The following ABL1 variants were observed in gnomAD, a reference collection of about 807,000 sequenced individuals.
ABL1 encodes the protein tyrosine-protein kinase ABL1.
ABL1 carries 11 observed loss-of-function variants against 94.7 expected under a neutral mutation model. That is an observed-to-expected ratio of 0.12 (90% CI 0.07 to 0.19). The LOEUF is 0.19. Ranked by LOEUF, ABL1 falls within the 10% of genes least tolerant of loss-of-function variation. ABL1 has a pLI of 1.00. For missense variants in ABL1, 1,082 were observed against 1,489.4 expected (o/e 0.73, Z 4.50); for synonymous variants, 656 against 622.4 (o/e 1.05, Z -0.80).
intron 1 of ABL1, among the ~76,000 whole-genome samples, chr9:130,810,741 AAT>A (rs903239792): frequency 2.1e-4 from 32 of 151,090 alleles, no homozygotes; most frequent in Admixed American, 1.2e-3. Flanking sequence ...GGGACCAAAA[AAT>A]ATATATAGAG....
intron 1 of ABL1, among the ~76,000 whole-genome samples, chr9:130,768,076 C>T (rs1019023346): frequency 4.6e-5 from 7 of 152,148 alleles, no homozygotes; most frequent in Non-Finnish European, 7.3e-5. Flanking sequence ...TAGCTATCTG[C>T]TGGAGCTGAG....
At chr9:130,743,012 G>A (rs957450332) in intron 1 of ABL1, among the ~76,000 whole-genome samples, 2 of 151,988 alleles carry the variant, frequency 1.3e-5, no homozygotes, top group Admixed American at 6.6e-5. Flanking sequence ...TTGCTTCACC[G>A]TTTTTTTAAA....
In ABL1 at chr9:130,858,901, A is replaced by T. The variant is rs1428568284; in HGVS notation, c.549+3805A>T. Among the ~76,000 whole-genome samples, 3 of 152,072 alleles carry T rather than the reference A, an allele frequency of 2.0e-5. No homozygotes were observed. The South Asian group carries it at 6.2e-4, about 32-fold the overall frequency. On this transcript the variant is annotated intron_variant, in intron 3 of 10. Coordinates refer to ENST00000318560, the MANE Select transcript of ABL1 (RefSeq NM_005157.6). ...TCTCTCCTCGTGTTCTGAGCTTTTC[A>T]GCAGCCCTTGTGGGTCATCAGCCGA...
In ABL1 at chr9:130,877,115, G is replaced by A. The variant is rs765964483; in HGVS notation, c.1271-1300G>A. On this transcript the variant is annotated intron_variant, in intron 7 of 10. Coordinates refer to ENST00000318560, the MANE Select transcript of ABL1 (RefSeq NM_005157.6). ...TATCTGATGTGTTTCAGTCCACTGC[G>A]GTTATTTTCCCTGTTGATATTCAGA... 2.0e-4 allele frequency among the ~76,000 whole-genome samples: 30 copies of A among 148,044 alleles called. 2 individuals are homozygous for A. Among genetic ancestry groups the A allele is most frequent in the Non-Finnish European group, 3.3e-4 (22 of 67,238 alleles).
At chr9:130,848,702 T>C (rs540160955) in intron 1 of ABL1, among the ~76,000 whole-genome samples, 1 of 152,186 alleles carries the variant, frequency 6.6e-6, no homozygotes, top group East Asian at 1.9e-4. Flanking sequence ...TTTGGGAGGC[T>C]GAGGCAGGCT....
Position 130,872,323 on chromosome 9 carries a change from A to G in ABL1, c.907+110A>G, listed in dbSNP as rs1359631027. ...TCACTGCACAAAACCTCGTTGGAAT[A>G]TTTGTGCTCTGCCGACGTTCAGCCG... On this transcript the variant is annotated intron_variant, in intron 5 of 10. Coordinates refer to ENST00000318560, the MANE Select transcript of ABL1 (RefSeq NM_005157.6). This position sits in a 1 kb window ranked among gnomAD's most constrained non-coding sequence, Gnocchi z 5.0. The G allele has an allele frequency of 9.9e-7, 1 of 1,012,166 alleles. No individual in the cohort carries two copies. The highest frequency in any genetic ancestry group is 1.6e-5 in the African/African-American group (1 of 61,918). The allele number at this position is 1,012,166 out of a possible 1,614,324, so 62.7% of individuals were successfully genotyped here. A position where few individuals can be genotyped will look rare whatever the true frequency, so the allele number is the denominator to read the frequency against.
intron 1 of ABL1, among the ~76,000 whole-genome samples, chr9:130,718,114 T>C (rs1412930204): frequency 6.6e-6 from 1 of 151,674 alleles, no homozygotes; most frequent in Non-Finnish European, 1.5e-5. Context: ...GGTCAGTAGT[T>C]CGAAACTGGC....
chr9:130,825,630 T>C (rs1830415651), intron 1 of ABL1, among the ~76,000 whole-genome samples: 1 of 152,252 alleles, frequency 6.6e-6, no homozygotes, highest in African/African-American at 2.4e-5. Context: ...ATTTGTTTTA[T>C]AGATATCTTA....
intron 8 of ABL1, among the ~76,000 whole-genome samples, chr9:130,879,758 C>CTGTTTGGCT (rs1401249647): frequency 6.6e-6 from 1 of 152,136 alleles, no homozygotes; most frequent in Non-Finnish European, 1.5e-5. Flanking sequence ...AGAAGGTGAG[C>CTGTTTGGCT]TGTTTGGCTT....
chr9:130,714,260 C>T, exon 1 of ABL1: 2 of 1,502,808 alleles, frequency 1.3e-6, no homozygotes, highest in Non-Finnish European at 1.8e-6. Flanking sequence ...CCTCTACGCT[C>T]GCTGACCGTT....
intron 1 of ABL1, chr9:130,714,506 T>A (rs1300522204): frequency 6.2e-7 from 1 of 1,613,196 alleles, no homozygotes; most frequent in Admixed American, 1.7e-5. Context: ...GCATTCATCT[T>A]AGGCCTTCAA....
intron 7 of ABL1, among the ~76,000 whole-genome samples, chr9:130,875,320 T>G (rs1831322668): frequency 6.6e-6 from 1 of 152,026 alleles, no homozygotes; most frequent in Admixed American, 6.6e-5. Context: ...TTTTGGTATT[T>G]TTAGTAGAGA....
chr9:130,827,766 G>A (rs1830443085), intron 1 of ABL1, among the ~76,000 whole-genome samples: 1 of 151,908 alleles, frequency 6.6e-6, no homozygotes, highest in Non-Finnish European at 1.5e-5. Flanking sequence ...ATGGTGGCAG[G>A]CACCTGTAAT....
intron 1 of ABL1, among the ~76,000 whole-genome samples, chr9:130,737,736 C>T (rs755210296): frequency 3.7e-4 from 56 of 152,054 alleles, no homozygotes; most frequent in African/African-American, 1.2e-3. Flanking sequence ...GTTGAGGCAT[C>T]TGCTCAGTTC....
At chr9:130,798,936 A>G (rs1280490505) in intron 1 of ABL1, among the ~76,000 whole-genome samples, 1 of 137,578 alleles carries the variant, frequency 7.3e-6, no homozygotes, top group Non-Finnish European at 1.5e-5. Flanking sequence ...GTGCCACTGC[A>G]CTCCAGCCTG....
chr9:130,721,972 C>T (rs952116829), intron 1 of ABL1, among the ~76,000 whole-genome samples: 5 of 151,494 alleles, frequency 3.3e-5, no homozygotes, highest in East Asian at 2.0e-4. Context: ...TTATTAGAGA[C>T]GGGGTTTCAC....
At chr9:130,790,614 T>G (rs1478738518) in intron 1 of ABL1, among the ~76,000 whole-genome samples, 1 of 151,762 alleles carries the variant, frequency 6.6e-6, no homozygotes, top group African/African-American at 2.4e-5. Context: ...GGGACTACAT[T>G]AATTACCACA....
At chr9:130,735,064 C>T (rs1445047156) in intron 1 of ABL1, among the ~76,000 whole-genome samples, 1 of 151,950 alleles carries the variant, frequency 6.6e-6, no homozygotes, top group Non-Finnish European at 1.5e-5. Context: ...CAACCTTGCT[C>T]TGTTGCCCAG....
chr9:130,859,930 T>C (rs985569278), intron 3 of ABL1, among the ~76,000 whole-genome samples: 8 of 152,028 alleles, frequency 5.3e-5, no homozygotes, highest in South Asian at 2.1e-4. Flanking sequence ...CTGCCCTCCT[T>C]GGCCTCCCAA....
Sources: allele counts gnomAD v4.1 joint callset (sites outside exome capture counted in the v4.1 genomes callset), GRCh38; gene constraint gnomAD v4.1.1; non-coding constraint Gnocchi (gnomAD v3.1); transcripts MANE v1.5; gene names NCBI Gene and HGNC (gene_info 2026-07-23, HGNC 2026-07-21).